Variants in MARCHF1 observed in about 807,000 individuals in gnomAD.
MARCHF1 encodes the protein membrane associated ring-CH-type finger 1.
Under a neutral mutation model 54.2 loss-of-function variants are expected in MARCHF1, and 40 were observed. That is an observed-to-expected ratio of 0.74 (90% CI 0.57 to 0.96). The LOEUF is 0.96. MARCHF1 is among the 40% of genes least tolerant of loss of function. MARCHF1 has a pLI of 0.00. For missense variants in MARCHF1, 586 were observed against 656.5 expected, an observed-to-expected ratio of 0.89 and a Z score of 1.17; for synonymous variants, 236 against 236.3, an observed-to-expected ratio of 1.00 and a Z score of 0.01.
intron 3 of MARCHF1, among the ~76,000 whole-genome samples, chr4:163,938,958 A>T (rs1226062562): frequency 6.6e-6 from 1 of 152,162 alleles, no homozygotes; most frequent in Non-Finnish European, 1.5e-5. Flanking sequence ...GATTATTACA[A>T]TTCAAGATGA....
chr4:163,887,879 C>G (rs1433617608), intron 3 of MARCHF1, among the ~76,000 whole-genome samples: 2 of 152,110 alleles, frequency 1.3e-5, no homozygotes, highest in African/African-American at 4.8e-5. Context: ...TCAAGTCAGT[C>G]TTCTTAGGGG....
At chr4:164,298,007 C>G (rs532374929) in intron 1 of MARCHF1, among the ~76,000 whole-genome samples, 1 of 151,956 alleles carries the variant, frequency 6.6e-6, no homozygotes, top group Non-Finnish European at 1.5e-5. Flanking sequence ...TTAATCCACA[C>G]CTATCTAATC....
At chr4:163,811,741 A>G (rs1190206165) in intron 4 of MARCHF1, among the ~76,000 whole-genome samples, 1 of 152,200 alleles carries the variant, frequency 6.6e-6, no homozygotes, top group Non-Finnish European at 1.5e-5. Context: ...ATTCAGATTT[A>G]TTTAATGCTT....
At chr4:164,134,639 A>C (rs1023700) in intron 1 of MARCHF1, among the ~76,000 whole-genome samples, 126,916 of 152,018 alleles carry the variant, frequency 0.83, 53,418 homozygotes, top group Non-Finnish European at 0.89. Flanking sequence ...TCTGGAAATA[A>C]ACTTAAGAAA....
chr4:164,192,601 A>T (rs893390415), intron 1 of MARCHF1, among the ~76,000 whole-genome samples: 1 of 151,136 alleles, frequency 6.6e-6, no homozygotes, highest in African/African-American at 2.5e-5. Context: ...ACAAGTTATA[A>T]TTTTGGAATA....
At chr4:164,095,403 C>T (rs911631936) in intron 2 of MARCHF1, among the ~76,000 whole-genome samples, 18 of 146,876 alleles carry the variant, frequency 1.2e-4, no homozygotes, top group African/African-American at 3.8e-4. Flanking sequence ...TGCTATATTA[C>T]ACACACACAC....
At chr4:163,825,203 C>A (rs2111070231) in intron 4 of MARCHF1, among the ~76,000 whole-genome samples, 1 of 152,162 alleles carries the variant, frequency 6.6e-6, no homozygotes, top group South Asian at 2.1e-4. Flanking sequence ...GTTTGGTTTT[C>A]TGTTCCTGGG....
At chr4:163,733,692 G>A (rs566988432) in intron 4 of MARCHF1, among the ~76,000 whole-genome samples, 3 of 151,840 alleles carry the variant, frequency 2.0e-5, no homozygotes, top group Non-Finnish European at 2.9e-5. Flanking sequence ...GGCCATAACT[G>A]TAAAATCTAA....
intron 5 of MARCHF1, among the ~76,000 whole-genome samples, chr4:163,634,980 C>G (rs1206939453): frequency 3.1e-5 from 3 of 95,436 alleles, no homozygotes; most frequent in African/African-American, 5.3e-5. Context: ...AACTGAACAA[C>G]CTGCTCCTGA....
chr4:164,027,362 TAAAAAAAAAA>T lies in MARCHF1; in HGVS notation c.-247-38663_-247-38654del, dbSNP rs59453843. On this transcript the variant is annotated intron_variant, in intron 2 of 9. Transcript: ENST00000514618. ...TAGTACCAAAACAGCATGGTACAGG[TAAAAAAAAAA>T]AAAAAAAAAAAAAAAAAAAAAGATA... Among the ~76,000 whole-genome samples the T allele has an allele frequency of 1.9e-3, 20 of 10,788 alleles. 1 individual carries two copies. The East Asian group carries it at 0.034, about 18-fold the overall frequency. The allele number at this position is 10,788 out of a possible 152,430, so 7.1% of individuals were successfully genotyped here.
chr4:164,234,248 A>G (rs1466448658), intron 1 of MARCHF1, among the ~76,000 whole-genome samples: 1 of 152,134 alleles, frequency 6.6e-6, no homozygotes, highest in Non-Finnish European at 1.5e-5. Context: ...ATTTAATCTG[A>G]CAATCTTCTG....
intron 2 of MARCHF1, among the ~76,000 whole-genome samples, chr4:164,081,163 G>A (rs768735933): frequency 3.9e-4 from 44 of 113,024 alleles, no homozygotes; most frequent in Non-Finnish European, 5.9e-4. Flanking sequence ...AGCCGAGATC[G>A]CGCCACTGCA....
intron 1 of MARCHF1, among the ~76,000 whole-genome samples, chr4:164,133,028 G>C (rs1391020386): frequency 6.6e-6 from 1 of 152,092 alleles, no homozygotes; most frequent in Non-Finnish European, 1.5e-5. Flanking sequence ...ACGGAATAAA[G>C]TATCCCAGAC....
At chr4:164,034,108 T>C (rs1044135928) in intron 2 of MARCHF1, among the ~76,000 whole-genome samples, 1 of 138,940 alleles carries the variant, frequency 7.2e-6, no homozygotes, top group African/African-American at 2.8e-5. Context: ...GATAGATAGA[T>C]AGATAGATAG....
intron 2 of MARCHF1, among the ~76,000 whole-genome samples, chr4:164,004,536 T>C (rs181500862): frequency 3.3e-5 from 5 of 152,084 alleles, no homozygotes; most frequent in African/African-American, 1.2e-4. Flanking sequence ...GACTGCAGAA[T>C]AGAAATTATT....
chr4:163,540,977 A>G (rs1738704136), intron 9 of MARCHF1, among the ~76,000 whole-genome samples: 1 of 152,188 alleles, frequency 6.6e-6, no homozygotes, highest in Non-Finnish European at 1.5e-5. Flanking sequence ...CAGTGAGCCA[A>G]GATCGCACCA....
chr4:164,259,236 T>G (rs1226787975), intron 1 of MARCHF1, among the ~76,000 whole-genome samples: 1 of 152,038 alleles, frequency 6.6e-6, no homozygotes, highest in Non-Finnish European at 1.5e-5. Flanking sequence ...CTGTTATGAT[T>G]AATTCAGAAG....
intron 3 of MARCHF1, among the ~76,000 whole-genome samples, chr4:163,869,712 A>G (rs1750129917): frequency 6.6e-6 from 1 of 152,126 alleles, no homozygotes. Flanking sequence ...CACTAAGGCA[A>G]TTAAATAATA....
chr4:163,958,149 C>T lies in MARCHF1; in HGVS notation c.-39+30352G>A, dbSNP rs534291419. 2.6e-5 allele frequency among the ~76,000 whole-genome samples: 4 copies of T among 151,906 alleles called. No individual in the cohort carries two copies. The East Asian group carries it at 7.8e-4, about 29-fold the overall frequency. The stretch of plus-strand genomic sequence containing the variant: ...GGCCTTTGCACAGGAACATCTTTGC[C>T]TTCAGATGTTCAAATTTTACCTTCT... On this transcript the variant is annotated intron_variant, in intron 3 of 9. Coordinates refer to ENST00000514618, the MANE Select transcript of MARCHF1 (RefSeq NM_001394959.1).
Sources: allele counts gnomAD v4.1 joint callset (sites outside exome capture counted in the v4.1 genomes callset), GRCh38; gene constraint gnomAD v4.1.1; transcripts MANE v1.5; gene names NCBI Gene and HGNC (gene_info 2026-07-23, HGNC 2026-07-21).